Variants in FER1L6 observed in about 807,000 individuals in gnomAD.
FER1L6 encodes fer-1-like protein 6.
In FER1L6, 177 loss-of-function variants were observed where a neutral mutation model predicts 219.2. The ratio of observed to expected loss-of-function variants is 0.81; its 90% CI spans 0.71 to 0.91. FER1L6 has a LOEUF of 0.91. Among genes scored for constraint, FER1L6 ranks in the 40% least tolerant of loss-of-function variants. The probability of loss-of-function intolerance (pLI) is 0.00; values close to 1 mark genes in which losing one functional copy is unlikely to be tolerated. For synonymous variants in FER1L6, 768 were observed against 824.3 expected, an observed-to-expected ratio of 0.93 and a Z score of 1.17; for missense variants, 2,153 against 2,259.9, an observed-to-expected ratio of 0.95 and a Z score of 0.96.
intron 1 of FER1L6, among the ~76,000 whole-genome samples, chr8:123,950,111 G>A (rs138620044): frequency 2.6e-4 from 40 of 152,276 alleles, no homozygotes; most frequent in African/African-American, 7.9e-4. Flanking sequence ...TTTCTTCGGC[G>A]CCCAGGCAAG....
At position 123,855,270 on chromosome 8, in the gene FER1L6, C is replaced by G. The variant is rs145130954; in HGVS notation, c.-8+3085C>G. Among the ~76,000 whole-genome samples the G allele has an allele frequency of 6.8e-3, 1,032 of 152,266 alleles. 9 individuals carry two copies. The highest frequency in any genetic ancestry group is 0.012 in the Non-Finnish European group (815 of 68,024). On this transcript the variant is annotated intron_variant, in intron 1 of 40. Coordinates refer to ENST00000522917, the MANE Select transcript of FER1L6 (RefSeq NM_001039112.2). The stretch of plus-strand genomic sequence containing the variant: ...TCTTTTATGTGTTTGGGGAGCCTGA[C>G]TGGAATGGATAGTAGGTGGCCACAA...
At chr8:124,079,625 T>C (rs1821449364) in intron 32 of FER1L6, among the ~76,000 whole-genome samples, 1 of 152,194 alleles carries the variant, frequency 6.6e-6, no homozygotes, top group South Asian at 2.1e-4. Flanking sequence ...ATGTGCCAGC[T>C]ACTGGAGAGG....
At chr8:123,972,702 A>C (rs1815874176) in intron 6 of FER1L6, among the ~76,000 whole-genome samples, 1 of 152,204 alleles carries the variant, frequency 6.6e-6, no homozygotes, top group South Asian at 2.1e-4. Flanking sequence ...CTTCTGCATG[A>C]CAGCATTTAC....
chr8:123,922,368 C>G (rs1813390419), intron 1 of FER1L6, among the ~76,000 whole-genome samples: 1 of 152,170 alleles, frequency 6.6e-6, no homozygotes. Flanking sequence ...CTGGAGGAAA[C>G]AGGAAAAAGA....
chr8:123,949,539 T>C (rs927667205), intron 1 of FER1L6, among the ~76,000 whole-genome samples: 2 of 152,302 alleles, frequency 1.3e-5, no homozygotes, highest in Admixed American at 6.5e-5. Context: ...AGACATCAAA[T>C]AGGGATCAAA....
chr8:123,956,138 G>A, intron 2 of FER1L6, 64 bp downstream of exon 2: 1 of 1,411,814 alleles, frequency 7.1e-7, no homozygotes, highest in Non-Finnish European at 9.9e-7. Flanking sequence ...ACCCCTCCGT[G>A]GCTGAAAATG....
intron 2 of FER1L6, among the ~76,000 whole-genome samples, chr8:123,961,844 C>T (rs770315028): frequency 2.6e-5 from 4 of 151,068 alleles, no homozygotes; most frequent in Non-Finnish European, 4.4e-5. Flanking sequence ...ACAGCCAGAA[C>T]GAGTCTATGG....
At chr8:124,075,521 T>A (rs1821246237) in intron 31 of FER1L6, among the ~76,000 whole-genome samples, 1 of 152,194 alleles carries the variant, frequency 6.6e-6, no homozygotes, top group Non-Finnish European at 1.5e-5. Context: ...GTTTTACAGT[T>A]AACTTTTTTT....
In FER1L6 at chr8:124,078,755, G is replaced by A. The variant is rs1253381723; in HGVS notation, c.4220+2430G>A. Among the ~76,000 whole-genome samples the A allele has an allele frequency of 2.1e-5, 3 of 139,556 alleles. No homozygotes were observed. In the South Asian group the frequency reaches 7.0e-4, roughly 32 times the overall value. 91.6% of individuals were successfully genotyped at this position (139,556 alleles called of 152,430 possible). A position where few individuals can be genotyped will look rare whatever the true frequency, so the allele number is the denominator to read the frequency against. On this transcript the variant is annotated intron_variant, in intron 32 of 40. Coordinates refer to ENST00000522917, the MANE Select transcript of FER1L6 (RefSeq NM_001039112.2). ...GGATGGGTGTTCTTTGCCCTGCAAA[G>A]TCCAGAGTGTAGGGAGGACGTGATG... is the stretch of plus-strand genomic sequence containing the variant.
At chr8:124,021,412 C>A in intron 16 of FER1L6, 138 bp from the exon 17 acceptor site, 2 of 1,086,698 alleles carry the variant, frequency 1.8e-6, no homozygotes, top group Non-Finnish European at 2.6e-6. Flanking sequence ...GCAGCATGCA[C>A]GGTGGCAGAC....
chr8:123,926,460 G>C (rs1303019538), intron 1 of FER1L6, among the ~76,000 whole-genome samples: 1 of 152,196 alleles, frequency 6.6e-6, no homozygotes, highest in East Asian at 1.9e-4. Flanking sequence ...CCTGCGGCCA[G>C]CTCTGGGAGT....
intron 32 of FER1L6, among the ~76,000 whole-genome samples, chr8:124,079,872 CTCAG>C (rs924408605): frequency 5.3e-5 from 8 of 152,118 alleles, no homozygotes; most frequent in African/African-American, 1.9e-4. Context: ...GCATTCAAGG[CTCAG>C]CCAAAGAGTC....
chr8:124,045,723 C>G, intron 20 of FER1L6, 44 bp from the exon 21 acceptor site: 1 of 1,609,736 alleles, frequency 6.2e-7, no homozygotes, highest in Non-Finnish European at 8.5e-7. Flanking sequence ...GCCCCTATAA[C>G]TCAATTGAAT....
Position 124,049,594 on chromosome 8 carries a change from T to C in FER1L6, c.2725-13T>C, listed in dbSNP as rs751414910. On this transcript the variant is annotated splice_polypyrimidine_tract_variant and intron_variant, in intron 21 of 40. Coordinates refer to ENST00000522917, the MANE Select transcript of FER1L6 (RefSeq NM_001039112.2). ...TGATCAGGAAATACAAACTCATTTC[T>C]TTTCTTCTTTAGGGGAAGCCAGAAT... 6.2e-7 allele frequency: 1 copy of C among 1,613,508 alleles called. No individual in the cohort carries two copies. The highest frequency in any genetic ancestry group is 8.5e-7 in the Non-Finnish European group (1 of 1,179,872).
At chr8:124,048,073 C>T (rs1379570923) in intron 21 of FER1L6, among the ~76,000 whole-genome samples, 1 of 152,258 alleles carries the variant, frequency 6.6e-6, no homozygotes, top group African/African-American at 2.4e-5. Flanking sequence ...GCTGCCCTAA[C>T]TCCACCCATC....
intron 33 of FER1L6, among the ~76,000 whole-genome samples, chr8:124,088,851 G>C (rs1821895544): frequency 6.6e-6 from 1 of 152,004 alleles, no homozygotes; most frequent in Non-Finnish European, 1.5e-5. Context: ...TGTATTTACT[G>C]TAGCTGAGCT....
chr8:123,891,457 T>A (rs1812646866), intron 1 of FER1L6, among the ~76,000 whole-genome samples: 1 of 152,178 alleles, frequency 6.6e-6, no homozygotes, highest in Admixed American at 6.5e-5. Context: ...TGTCTTACTT[T>A]GATAAGTTTG....
intron 9 of FER1L6, among the ~76,000 whole-genome samples, chr8:123,976,893 G>T (rs1816098689): frequency 6.6e-6 from 1 of 152,184 alleles, no homozygotes; most frequent in Non-Finnish European, 1.5e-5. Flanking sequence ...ATTAACCCTG[G>T]TTGGCTGGAT....
At chr8:123,926,308 C>A (rs1351591622) in intron 1 of FER1L6, among the ~76,000 whole-genome samples, 1 of 152,146 alleles carries the variant, frequency 6.6e-6, no homozygotes, top group Non-Finnish European at 1.5e-5. Flanking sequence ...GTTTAAGAAT[C>A]CCGGTGGCTT....
Sources: gnomAD v4.1 joint callset for allele counts (sites outside exome capture counted in the v4.1 genomes callset) on GRCh38, gnomAD v4.1.1 for gene constraint, MANE v1.5 for transcripts, NCBI Gene and HGNC (gene_info 2026-07-23, HGNC 2026-07-21) for gene names.